Variants in DNAH6 observed in about 807,000 individuals in gnomAD.
The protein encoded by DNAH6 is axonemal beta dynein heavy chain 6.
Under a neutral mutation model 491.4 loss-of-function variants are expected in DNAH6, and 340 were observed. That is an observed-to-expected ratio of 0.69 (90% CI 0.63 to 0.76). The LOEUF (loss-of-function observed/expected upper bound fraction) is 0.76, where lower values mean the gene tolerates loss of function less well. DNAH6 is among the 30% of genes least tolerant of loss of function. DNAH6 has a pLI of 0.00. For missense variants in DNAH6, 4,443 were observed against 4,972.2 expected (o/e 0.89, Z 3.20); for synonymous variants, 1,603 against 1,686.1 (o/e 0.95, Z 1.21).
At chr2:84,684,876 G>A (rs1694130562) in intron 42 of DNAH6, among the ~76,000 whole-genome samples, 1 of 152,196 alleles carries the variant, frequency 6.6e-6, no homozygotes, top group African/African-American at 2.4e-5. Flanking sequence ...GAAGGGCCAG[G>A]GGCATTTGGT....
At chr2:84,471,644 G>A in the DNAH6 span, among the ~76,000 whole-genome samples, 21 of 152,224 alleles carry the variant, frequency 1.4e-4, no homozygotes, top group African/African-American at 5.1e-4. Context: ...ATCCATGGTT[G>A]GATCCATGGG....
intron 10 of DNAH6, among the ~76,000 whole-genome samples, chr2:84,553,308 A>G (rs1223941288): frequency 8.4e-6 from 1 of 119,606 alleles, no homozygotes; most frequent in East Asian, 2.4e-4. Flanking sequence ...GGATCCCTTT[A>G]AGGACAACTG....
At chr2:84,564,678 A>T (rs1487181378) in intron 11 of DNAH6, among the ~76,000 whole-genome samples, 5 of 152,090 alleles carry the variant, frequency 3.3e-5, no homozygotes, top group African/African-American at 1.2e-4. Flanking sequence ...TATGCCTTTT[A>T]CTTCTTTCTC....
chr2:84,595,498 A>T, intron 17 of DNAH6, 148 bp from the exon 18 acceptor site: 1 of 678,368 alleles, frequency 1.5e-6, no homozygotes, highest in Non-Finnish European at 2.4e-6. Flanking sequence ...TGCTGGATAT[A>T]TAATGTTATT....
At chr2:84,715,530 AT>A (rs1224931356) in intron 57 of DNAH6, 29 bp from the exon 58 acceptor site, 34 of 1,548,354 alleles carry the variant, frequency 2.2e-5, no homozygotes, top group South Asian at 6.0e-5. Context: ...GCACTTAAGC[AT>A]TTTTATGCAC....
the DNAH6 span, among the ~76,000 whole-genome samples, chr2:84,501,835 T>G: frequency 6.6e-6 from 1 of 151,552 alleles, no homozygotes; most frequent in Non-Finnish European, 1.5e-5. Flanking sequence ...TAGCAGCCAC[T>G]AATGATCCTT....
intron 63 of DNAH6, chr2:84,750,808 A>C (rs1673402460): frequency 6.6e-6 from 1 of 152,234 alleles, no homozygotes; most frequent in African/African-American, 2.4e-5. Flanking sequence ...CCAAAGCTAC[A>C]AACAGTAGAC....
At chr2:84,498,405 A>T in the DNAH6 span, among the ~76,000 whole-genome samples, 3 of 152,228 alleles carry the variant, frequency 2.0e-5, no homozygotes, top group Admixed American at 2.0e-4. Context: ...TGGTGTGCAT[A>T]AAGCCCTAGT....
chr2:84,801,493 C>T (rs979183340), intron 70 of DNAH6, among the ~76,000 whole-genome samples: 1 of 152,064 alleles, frequency 6.6e-6, no homozygotes, highest in African/African-American at 2.4e-5. Context: ...GGCTATATTA[C>T]CTATAAGGGG....
intron 60 of DNAH6, among the ~76,000 whole-genome samples, chr2:84,725,185 C>G (rs1698513482): frequency 6.6e-6 from 1 of 152,198 alleles, no homozygotes; most frequent in Non-Finnish European, 1.5e-5. Flanking sequence ...AACATTCCAA[C>G]AATTCTTATT....
chr2:84,762,730 C>CTTTTT, intron 63 of DNAH6, 25 bp from the exon 64 acceptor site: 1 of 1,479,200 alleles, frequency 6.8e-7, no homozygotes, highest in Non-Finnish European at 9.2e-7. Context: ...ATTCAACATA[C>CTTTTT]TTTTTTTTTC....
At chr2:84,753,344 G>GGTA (rs1673652320) in intron 63 of DNAH6, among the ~76,000 whole-genome samples, 1 of 151,778 alleles carries the variant, frequency 6.6e-6, no homozygotes, top group Non-Finnish European at 1.5e-5. Flanking sequence ...TCGCTTTCTT[G>GGTA]GTAGTGTCCT....
rs1356190800 is a variant in DNAH6, at chr2:84,819,424, G to A, written c.*16G>A. 5 of 1,527,022 alleles carry A rather than the reference G, an allele frequency of 3.3e-6. No individual in the cohort carries two copies. Among genetic ancestry groups the A allele is most frequent in the Non-Finnish European group, 4.4e-6 (5 of 1,128,400 alleles). The allele number at this position is 1,527,022 out of a possible 1,614,324, so 94.6% of individuals were successfully genotyped here. On this transcript the variant is annotated 3_prime_UTR_variant, in exon 77 of 77. Transcript: ENST00000389394. ...GAGCGAATGAAAAGGTGCCACCTCA[G>A]CCCTGAAAAAGAACCAGGCCAGAGA...
chr2:84,592,960 A>G (rs1438026458), intron 16 of DNAH6, among the ~76,000 whole-genome samples: 1 of 152,136 alleles, frequency 6.6e-6, no homozygotes, highest in African/African-American at 2.4e-5. Flanking sequence ...TTCTAGGTGT[A>G]TAAAGTTTCA....
intron 67 of DNAH6, 61 bp downstream of exon 67, chr2:84,785,817 T>G (rs1200020170): frequency 7.3e-7 from 1 of 1,375,902 alleles, no homozygotes; most frequent in Non-Finnish European, 9.6e-7. Flanking sequence ...AAATAAATAG[T>G]AATAATTAAG....
chr2:84,694,217 T>G (rs1695160308), intron 45 of DNAH6, 32 bp from the exon 46 acceptor site: 4 of 1,541,550 alleles, frequency 2.6e-6, no homozygotes, highest in Middle Eastern at 1.7e-4. Context: ...GTCTGTGAAC[T>G]TGAAATAAAC....
In DNAH6 at chr2:84,616,982, G is replaced by A. The variant is rs1686912801; in HGVS notation, c.3572G>A (p.Arg1191Lys). 6.8e-7 allele frequency: 1 copy of A among 1,472,562 alleles called. No individual in the cohort carries two copies. Among genetic ancestry groups the A allele is most frequent in the Non-Finnish European group, 9.0e-7 (1 of 1,107,374 alleles). 91.2% of individuals were successfully genotyped at this position (1,472,562 alleles called of 1,614,324 possible). ...GAATCAAAAAGAGTTATCTTTCCAA[G>A]GTAAGTTTATAAAGCAACCTAAGAT... ...YLESKRVIFP[R>K]FYFLSNDELL... Residue 1191 changes from arginine (R) to lysine (K), a missense_variant and splice_region_variant, in exon 23 of 77, where the codon AGG becomes AAG. Arg to Lys is a conservative substitution (Grantham distance 26, BLOSUM62 2). This residue lies in a region of DNAH6 where 2,977 missense variants were observed against 3,296.6 expected (regional missense o/e 0.90). Transcript: ENST00000389394.
In DNAH6 at chr2:84,633,085, T is replaced by G. The variant is rs557600312; in HGVS notation, c.4516-1419T>G. The stretch of plus-strand genomic sequence containing the variant: ...AATGTGTGGCCAGCAGGCTTCTTCA[T>G]AGAATGTATGCACACGGAGCAGCCA... On this transcript the variant is annotated intron_variant, in intron 29 of 76. Coordinates refer to ENST00000389394, the MANE Select transcript of DNAH6 (RefSeq NM_001370.2). Among the ~76,000 whole-genome samples, 24 of 152,304 alleles carry G rather than the reference T, an allele frequency of 1.6e-4. No individual in the cohort carries two copies. The East Asian group carries it at 4.2e-3, about 27-fold the overall frequency.
chr2:84,692,994 T>C (rs1466099529), intron 45 of DNAH6, among the ~76,000 whole-genome samples: 1 of 152,236 alleles, frequency 6.6e-6, no homozygotes, highest in Non-Finnish European at 1.5e-5. Context: ...TGCATGTAAA[T>C]TACTTATAGA....
Sources: allele counts gnomAD v4.1 joint callset (sites outside exome capture counted in the v4.1 genomes callset), GRCh38; gene constraint gnomAD v4.1.1; regional missense constraint gnomAD v4.1.1; transcripts MANE v1.5; gene names NCBI Gene and HGNC (gene_info 2026-07-23, HGNC 2026-07-21).